The following NPAS3 variants were observed in gnomAD, a reference collection of about 807,000 sequenced individuals.
The protein encoded by NPAS3 is neuronal PAS domain-containing protein 3.
NPAS3 carries 14 observed loss-of-function variants against 73.1 expected under a neutral mutation model. That is an observed-to-expected ratio of 0.19 (90% confidence interval 0.13 to 0.30). The LOEUF (loss-of-function observed/expected upper bound fraction) is 0.30. NPAS3 is among the 10% of genes least tolerant of loss of function. The pLI is 1.00. For missense variants in NPAS3, 1,096 were observed against 1,250.0 expected (o/e 0.88, Z 1.86); for synonymous variants, 620 against 541.5 (o/e 1.14, Z -2.01).
chr14:33,348,445 C>T (rs868482086), intron 3 of NPAS3, among the ~76,000 whole-genome samples: 5 of 152,178 alleles, frequency 3.3e-5, no homozygotes, highest in Middle Eastern at 3.4e-3. Context: ...AAAGTAATAT[C>T]GACGTAGCAA....
At chr14:33,142,643 A>G (rs2044095891) in intron 2 of NPAS3, among the ~76,000 whole-genome samples, 1 of 152,194 alleles carries the variant, frequency 6.6e-6, no homozygotes. Flanking sequence ...AAGCTTTTAC[A>G]TCTTTTGTTA....
upstream of NPAS3, among the ~76,000 whole-genome samples, chr14:32,938,495 G>GAGAGAGAGAGAGAGAGAGAGAGAA (rs2035791130): frequency 9.4e-6 from 1 of 106,270 alleles, no homozygotes; most frequent in African/African-American, 4.1e-5. Flanking sequence ...TTGAGAGAGA[G>GAGAGAGAGAGAGAGAGAGAGAGAA]AGAGAGAGAG....
intron 11 of NPAS3, 83 bp downstream of exon 11, chr14:33,797,664 C>T: frequency 7.1e-7 from 1 of 1,410,482 alleles, no homozygotes; most frequent in Non-Finnish European, 9.8e-7. Context: ...GGGCCATCAT[C>T]AGAGGCAAAG....
chr14:33,489,473 A>G (rs962356646), intron 4 of NPAS3, among the ~76,000 whole-genome samples: 16 of 152,206 alleles, frequency 1.1e-4, no homozygotes, highest in Admixed American at 7.9e-4. Context: ...AAGTTATGCA[A>G]TAAGAACCAT....
At chr14:33,241,697 G>T (rs927423903) in intron 3 of NPAS3, among the ~76,000 whole-genome samples, 1 of 151,952 alleles carries the variant, frequency 6.6e-6, no homozygotes, top group African/African-American at 2.4e-5. Flanking sequence ...CAATATTCAG[G>T]CTGCTTTGAC....
chr14:33,327,489 T>A (rs897547369), intron 3 of NPAS3, among the ~76,000 whole-genome samples: 1 of 152,204 alleles, frequency 6.6e-6, no homozygotes, highest in South Asian at 2.1e-4. Context: ...CAGGAAGTGG[T>A]CTGTTCCTCT....
chr14:33,637,067 A>C (rs2058542254), intron 5 of NPAS3, among the ~76,000 whole-genome samples: 1 of 152,160 alleles, frequency 6.6e-6, no homozygotes, highest in Non-Finnish European at 1.5e-5. Flanking sequence ...TTTTTATTAC[A>C]GGCTTGAGAA....
chr14:33,647,580 G>T (rs943472644), intron 5 of NPAS3, among the ~76,000 whole-genome samples: 3 of 152,006 alleles, frequency 2.0e-5, no homozygotes, highest in Admixed American at 6.6e-5. Flanking sequence ...GAACCAATTT[G>T]ATTTTAAATG....
At chr14:33,739,521 A>G (rs915067260) in intron 7 of NPAS3, among the ~76,000 whole-genome samples, 7 of 152,236 alleles carry the variant, frequency 4.6e-5, no homozygotes, top group Admixed American at 1.3e-4. Context: ...TGCCTTCTCT[A>G]AGCCCAAACA....
chr14:33,250,705 C>CT (rs1015890580), intron 3 of NPAS3, among the ~76,000 whole-genome samples: 2 of 152,138 alleles, frequency 1.3e-5, no homozygotes, highest in East Asian at 3.9e-4. Flanking sequence ...GAATGATCCT[C>CT]TTTTTTTCCT....
intron 2 of NPAS3, among the ~76,000 whole-genome samples, chr14:33,064,282 T>A (rs1403831819): frequency 6.6e-6 from 1 of 152,148 alleles, no homozygotes; most frequent in African/African-American, 2.4e-5. Context: ...ATAAGAAAAA[T>A]ATGCAGCAAG....
At chr14:33,726,504 C>A (rs73258959) in intron 6 of NPAS3, among the ~76,000 whole-genome samples, 2,185 of 152,238 alleles carry the variant, frequency 0.014, 49 homozygotes, top group African/African-American at 0.05. Context: ...GATTCCTTCA[C>A]CCAGACGTCC....
intron 1 of NPAS3, among the ~76,000 whole-genome samples, chr14:33,021,539 G>T (rs1338634338): frequency 6.6e-6 from 1 of 152,088 alleles, no homozygotes; most frequent in African/African-American, 2.4e-5. Context: ...CATGGTTTTA[G>T]TAACCAGAGA....
intron 7 of NPAS3, 119 bp downstream of exon 7, chr14:33,735,451 T>G: frequency 8.3e-6 from 6 of 725,170 alleles, no homozygotes; most frequent in South Asian, 8.2e-5. Context: ...GAGGAGCCCA[T>G]AGGATTCCCA....
At chr14:33,706,458 A>C (rs963022215) in intron 6 of NPAS3, among the ~76,000 whole-genome samples, 17 of 152,216 alleles carry the variant, frequency 1.1e-4, no homozygotes, top group Admixed American at 6.5e-4. Context: ...GGCCTAGCTG[A>C]CACCAAACAC....
At position 33,528,354 on chromosome 14, in the gene NPAS3, G is replaced by A. The variant is rs180830949; in HGVS notation, c.469-31767G>A. Among the ~76,000 whole-genome samples, 399 of 151,646 alleles carry A rather than the reference G, an allele frequency of 2.6e-3. 1 individual carries two copies. Among genetic ancestry groups the A allele is most frequent in the Non-Finnish European group, 4.4e-3 (297 of 67,932 alleles). The stretch of plus-strand genomic sequence containing the variant: ...TGAGAAGCCTCATGCCATGCTCTGG[G>A]GACAAAAGGAAGAAGAAGACAGCAT... On this transcript the variant is annotated intron_variant, in intron 4 of 11. Transcript: ENST00000356141.
chr14:33,295,146 G>A (rs762654882), intron 3 of NPAS3, among the ~76,000 whole-genome samples: 8 of 152,074 alleles, frequency 5.3e-5, no homozygotes, highest in African/African-American at 1.2e-4. Flanking sequence ...TTTTTAAAAC[G>A]AAAACAAATT....
chr14:33,430,475 AG>A (rs2048736584), intron 4 of NPAS3, among the ~76,000 whole-genome samples: 1 of 152,124 alleles, frequency 6.6e-6, no homozygotes, highest in South Asian at 2.1e-4. Context: ...GTGGCCTAGC[AG>A]AGTACATGTT....
chr14:33,242,343 G>A (rs957724274), intron 3 of NPAS3, among the ~76,000 whole-genome samples: 3 of 152,006 alleles, frequency 2.0e-5, no homozygotes, highest in Admixed American at 6.6e-5. Flanking sequence ...GAAGCCATGG[G>A]AATTTCAGAT....
Sources: allele counts gnomAD v4.1 joint callset (sites outside exome capture counted in the v4.1 genomes callset), GRCh38; gene constraint gnomAD v4.1.1; transcripts MANE v1.5; gene names NCBI Gene and HGNC (gene_info 2026-07-23, HGNC 2026-07-21).